The following PPP2R2B variants were observed in gnomAD, a reference collection of about 807,000 sequenced individuals.
The protein encoded by PPP2R2B is serine/threonine-protein phosphatase 2A 55 kDa regulatory subunit B beta isoform.
In PPP2R2B, 5 loss-of-function variants were observed where a neutral mutation model predicts 46.0. The ratio of observed to expected loss-of-function variants is 0.11; its 90% confidence interval spans 0.06 to 0.23. PPP2R2B has a LOEUF of 0.23. Among genes scored for constraint, PPP2R2B ranks in the 10% least tolerant of loss-of-function variants. The probability of loss-of-function intolerance (pLI) is 1.00; values close to 1 mark genes in which losing one functional copy is unlikely to be tolerated. For synonymous variants in PPP2R2B, 215 were observed against 206.7 expected, an observed-to-expected ratio of 1.04 and a Z score of -0.34; for missense variants, 367 against 575.0, an observed-to-expected ratio of 0.64 and a Z score of 3.70.
chr5:146,597,309 C>G (rs1266330457), intron 8 of PPP2R2B, among the ~76,000 whole-genome samples: 4 of 152,216 alleles, frequency 2.6e-5, no homozygotes, highest in African/African-American at 7.2e-5. Flanking sequence ...ATATTATGAA[C>G]CTTGTCATTG....
At chr5:146,655,630 A>C (rs1776273407) in intron 5 of PPP2R2B, among the ~76,000 whole-genome samples, 1 of 152,230 alleles carries the variant, frequency 6.6e-6, no homozygotes, top group South Asian at 2.1e-4. Flanking sequence ...AGTCTGAGGC[A>C]GGGCGAGTAC....
At chr5:146,841,503 C>T (rs146656001) in intron 2 of PPP2R2B, among the ~76,000 whole-genome samples, 175 of 152,270 alleles carry the variant, frequency 1.1e-3, no homozygotes, top group African/African-American at 3.9e-3. Flanking sequence ...ATGGGCAAGA[C>T]GTAATCACAA....
At chr5:146,795,906 T>C (rs1756501337) in intron 2 of PPP2R2B, among the ~76,000 whole-genome samples, 1 of 152,216 alleles carries the variant, frequency 6.6e-6, no homozygotes, top group Non-Finnish European at 1.5e-5. Context: ...TAAAAATTCT[T>C]TGTCATCATT....
Position 146,614,967 on chromosome 5 carries a change from A to G in PPP2R2B, c.791-14507T>C, listed in dbSNP as rs1191038913. 8.8e-5 allele frequency among the ~76,000 whole-genome samples: 11 copies of G among 125,310 alleles called. 1 individual carries two copies. The highest frequency in any genetic ancestry group is 4.5e-4 in the African/African-American group (11 of 24,642). The allele number at this position is 125,310 out of a possible 152,430, so 82.2% of individuals were successfully genotyped here. On this transcript the variant is annotated intron_variant, in intron 7 of 9. Transcript: ENST00000394411. Reference sequence around the variant, plus strand: ...GGCGATTCCTCAGGGATCTAGAACTAGAAATCCCATTTGACCCAGCCATCC... The same window carrying G: ...GGCGATTCCTCAGGGATCTAGAACTGGAAATCCCATTTGACCCAGCCATCC...
chr5:146,700,976 T>C (rs1779499701), intron 3 of PPP2R2B, 69 bp downstream of exon 3: 1 of 1,374,312 alleles, frequency 7.3e-7, no homozygotes, highest in Non-Finnish European at 1.0e-6. Flanking sequence ...CACATAAGGA[T>C]TAAGGAACAG....
At chr5:146,771,372 C>T (rs1754843610) in intron 2 of PPP2R2B, among the ~76,000 whole-genome samples, 1 of 152,216 alleles carries the variant, frequency 6.6e-6, no homozygotes, top group Admixed American at 6.5e-5. Flanking sequence ...CCCTTGCGAA[C>T]AGGTGCTACT....
At chr5:146,789,400 C>T (rs11749302) in intron 2 of PPP2R2B, among the ~76,000 whole-genome samples, 2 of 152,080 alleles carry the variant, frequency 1.3e-5, no homozygotes, top group Non-Finnish European at 2.9e-5. Flanking sequence ...AATAATATAG[C>T]TATCACACAT....
intron 2 of PPP2R2B, among the ~76,000 whole-genome samples, chr5:146,844,378 A>AG (rs75348091): frequency 6.6e-6 from 1 of 151,224 alleles, no homozygotes; most frequent in African/African-American, 2.4e-5. Flanking sequence ...ATTAAAAAAA[A>AG]ATATATACTG....
At chr5:146,637,839 T>TA (rs1222977676) in intron 7 of PPP2R2B, among the ~76,000 whole-genome samples, 7 of 151,154 alleles carry the variant, frequency 4.6e-5, no homozygotes, top group East Asian at 1.9e-4. Context: ...TTACATGGAT[T>TA]AAAAAAAAAG....
chr5:146,696,932 G>A (rs1779212092), intron 4 of PPP2R2B, among the ~76,000 whole-genome samples: 1 of 152,140 alleles, frequency 6.6e-6, no homozygotes, highest in African/African-American at 2.4e-5. Flanking sequence ...GGAACAAATT[G>A]ACAAGTTGCC....
At chr5:146,928,843 A>G (rs1157401815) in intron 1 of PPP2R2B, among the ~76,000 whole-genome samples, 1 of 151,740 alleles carries the variant, frequency 6.6e-6, no homozygotes. Context: ...GACTTACAAT[A>G]CTCTTCATAG....
intron 1 of PPP2R2B, among the ~76,000 whole-genome samples, chr5:147,028,470 C>T (rs758836204): frequency 2.6e-5 from 4 of 152,118 alleles, no homozygotes; most frequent in South Asian, 2.1e-4. Context: ...CAAACACCAT[C>T]GTAACTTCCG....
Position 146,667,431 on chromosome 5 carries a change from A to C in PPP2R2B, c.448-16707T>G, listed in dbSNP as rs575089892. On this transcript the variant is annotated intron_variant, in intron 5 of 9. Transcript: ENST00000394411. ...AAGAGAAGAGAGTATCTGAGAAAAGAAGCAGAAATAAGACTCTATAGAATA... is the reference window on the plus strand; with the variant it reads ...AAGAGAAGAGAGTATCTGAGAAAAGCAGCAGAAATAAGACTCTATAGAATA... Among the ~76,000 whole-genome samples, 8 of 152,178 alleles carry C rather than the reference A, an allele frequency of 5.3e-5. No individual in the cohort carries two copies. The East Asian group carries it at 7.7e-4, about 15-fold the overall frequency.
At chr5:146,910,040 C>G (rs1041456765) in intron 1 of PPP2R2B, among the ~76,000 whole-genome samples, 4 of 152,066 alleles carry the variant, frequency 2.6e-5, no homozygotes, top group Non-Finnish European at 5.9e-5. Flanking sequence ...TTGACTCATC[C>G]TTTCTCATCT....
chr5:146,686,315 G>T lies in PPP2R2B; in HGVS notation c.447+4813C>A, dbSNP rs114665632. Among the ~76,000 whole-genome samples, 787 of 152,194 alleles carry T rather than the reference G, an allele frequency of 5.2e-3. 8 individuals are homozygous for T. Among genetic ancestry groups the T allele is most frequent in the African/African-American group, 0.018 (757 of 41,544 alleles). ...CGAAGAAAATGCTAGACAGTGACAAGAGCTAAGCAAAAAAGGGCAGAGAGA... is the reference window on the plus strand; with the variant it reads ...CGAAGAAAATGCTAGACAGTGACAATAGCTAAGCAAAAAAGGGCAGAGAGA... On this transcript the variant is annotated intron_variant, in intron 5 of 9. Coordinates refer to ENST00000394411, the MANE Select transcript of PPP2R2B (RefSeq NM_181675.4).
At chr5:146,731,335 C>T (rs975931457) in intron 2 of PPP2R2B, among the ~76,000 whole-genome samples, 2 of 152,198 alleles carry the variant, frequency 1.3e-5, no homozygotes, top group Non-Finnish European at 2.9e-5. Context: ...AGCCTCAGGA[C>T]TCTGATGCCT....
rs544846162 is a variant in PPP2R2B at position 146,877,260 on chromosome 5, G to T, written c.70+742C>A. Among the ~76,000 whole-genome samples the T allele has an allele frequency of 9.9e-5, 15 of 152,280 alleles. No individual in the cohort carries two copies. The South Asian group carries it at 1.4e-3, about 15-fold the overall frequency. ...CAGAACAAGCTGGGAGAGAGGGAGA[G>T]ACGACAATTTCACCTCTTGGCAAAG... On this transcript the variant is annotated intron_variant, in intron 2 of 9. Coordinates refer to ENST00000394411, the MANE Select transcript of PPP2R2B (RefSeq NM_181675.4).
intron 5 of PPP2R2B, chr5:146,656,593 C>T (rs1776346267): frequency 6.6e-6 from 1 of 152,178 alleles, no homozygotes; most frequent in Non-Finnish European, 1.5e-5. Context: ...GTGTGGACAT[C>T]CTAACAGCAT....
Position 146,595,799 on chromosome 5 carries a change from C to T in PPP2R2B, c.961-2737G>A, listed in dbSNP as rs540806983. 2.6e-5 allele frequency among the ~76,000 whole-genome samples: 4 copies of T among 152,278 alleles called. No individual in the cohort carries two copies. In the East Asian group the frequency reaches 7.7e-4, roughly 29 times the overall value. The stretch of plus-strand genomic sequence containing the variant: ...GAGCAAGAGAGAACTTAAAACTCAT[C>T]CTATTTGATGTTCTTTCTTCATGTT... On this transcript the variant is annotated intron_variant, in intron 8 of 9. Transcript: ENST00000394411.
Sources: allele counts gnomAD v4.1 joint callset (sites outside exome capture counted in the v4.1 genomes callset), GRCh38; gene constraint gnomAD v4.1.1; transcripts MANE v1.5; gene names NCBI Gene and HGNC (gene_info 2026-07-23, HGNC 2026-07-21).